Variants in ZFHX3 observed in about 807,000 individuals in gnomAD.
The protein encoded by ZFHX3 is zinc finger homeobox protein 3.
ZFHX3 carries 42 observed loss-of-function variants against 279.1 expected under a neutral mutation model. The observed-to-expected ratio is 0.15, with a 90% CI of 0.12 to 0.19. ZFHX3 has a LOEUF of 0.19. ZFHX3 is among the 10% of genes least tolerant of loss of function. ZFHX3 has a pLI of 1.00. For missense variants in ZFHX3, 4,981 were observed against 4,754.0 expected, an observed-to-expected ratio of 1.05 and a Z score of -1.40; for synonymous variants, 2,293 against 1,957.8, an observed-to-expected ratio of 1.17 and a Z score of -4.52.
At chr16:73,722,977 T>C (rs1372831511) in intron 1 of ZFHX3, among the ~76,000 whole-genome samples, 1 of 152,216 alleles carries the variant, frequency 6.6e-6, no homozygotes, top group East Asian at 1.9e-4. Context: ...GATTCTCACA[T>C]GGCTTCCTGA....
Position 72,798,600 on chromosome 16 carries a change from A to G in ZFHX3, c.4082T>C (p.Ile1361Thr), listed in dbSNP as rs1280945746. 1 of 1,614,152 alleles carries G rather than the reference A, an allele frequency of 6.2e-7. No individual in the cohort carries two copies. Among genetic ancestry groups the G allele is most frequent in the Non-Finnish European group, 8.5e-7 (1 of 1,180,018 alleles). The part of the protein sequence containing the change: ...PGSVREDSGF[I>T]CWKKGCNQVF... Reference sequence around the variant, plus strand: ...CTGGTTGCACCCCTTCTTCCAGCAGATGAAGCCTGAGTCTTCTCTCACAGA... The same window carrying G: ...CTGGTTGCACCCCTTCTTCCAGCAGGTGAAGCCTGAGTCTTCTCTCACAGA... The change falls in exon 9 of 10, where the codon ATC becomes ACC. Residue 1361 changes from isoleucine (I) to threonine (T), a missense_variant. By Grantham distance (89) the Ile-to-Thr change is moderately conservative (BLOSUM62 -1). This residue lies in a region of ZFHX3 where 1,751 missense variants were observed against 1,770.0 expected (regional missense o/e 0.99). Coordinates refer to ENST00000268489, the MANE Select transcript of ZFHX3 (RefSeq NM_006885.4).
chr16:72,927,543 C>T (rs1421599210), intron 3 of ZFHX3, among the ~76,000 whole-genome samples: 3 of 152,180 alleles, frequency 2.0e-5, no homozygotes, highest in Non-Finnish European at 2.9e-5. Context: ...GTTCAGCCAC[C>T]GATGCCCTCA....
intron 1 of ZFHX3, chr16:73,816,112 C>T: frequency 6.6e-6 from 1 of 152,266 alleles, no homozygotes; most frequent in Admixed American, 6.5e-5. Context: ...AAAAATACCC[C>T]ACTATTTATG....
At chr16:73,373,089 T>C (rs1011671221) in intron 3 of ZFHX3, among the ~76,000 whole-genome samples, 1 of 151,884 alleles carries the variant, frequency 6.6e-6, no homozygotes, top group Non-Finnish European at 1.5e-5. Context: ...TGTGAAAAAT[T>C]AGAGACACCT....
intron 1 of ZFHX3, among the ~76,000 whole-genome samples, chr16:73,772,809 C>T (rs1020917225): frequency 6.6e-6 from 1 of 152,208 alleles, no homozygotes; most frequent in African/African-American, 2.4e-5. Context: ...TCACTAAATA[C>T]ATATGCATAA....
chr16:73,133,320 A>C (rs187793214), intron 6 of ZFHX3, among the ~76,000 whole-genome samples: 1 of 152,282 alleles, frequency 6.6e-6, no homozygotes, highest in African/African-American at 2.4e-5. Flanking sequence ...TCAGGAGTTC[A>C]AGACCAGCCT....
chr16:72,947,552 G>C (rs1182324401), intron 3 of ZFHX3, among the ~76,000 whole-genome samples: 1 of 152,130 alleles, frequency 6.6e-6, no homozygotes, highest in South Asian at 2.1e-4. Context: ...CATGAAAAAG[G>C]AACAGGAGGA....
At chr16:73,412,193 G>T (rs1341995029) in intron 3 of ZFHX3, among the ~76,000 whole-genome samples, 1 of 151,924 alleles carries the variant, frequency 6.6e-6, no homozygotes, top group African/African-American at 2.4e-5. Flanking sequence ...GGACATAGTG[G>T]CGCACACCTG....
chr16:73,558,285 T>G (rs2020316709), intron 2 of ZFHX3: 1 of 152,156 alleles, frequency 6.6e-6, no homozygotes, highest in Non-Finnish European at 1.5e-5. Context: ...AATAACAGGT[T>G]TTTTCAAGAG....
At chr16:72,904,259 G>A (rs1004947505) in intron 3 of ZFHX3, among the ~76,000 whole-genome samples, 1 of 152,000 alleles carries the variant, frequency 6.6e-6, no homozygotes, top group South Asian at 2.1e-4. Context: ...CCAGCTACTT[G>A]GGAGGCTGAG....
chr16:73,414,433 C>G (rs2017530393), intron 3 of ZFHX3, among the ~76,000 whole-genome samples: 3 of 152,268 alleles, frequency 2.0e-5, no homozygotes, highest in African/African-American at 7.2e-5. Context: ...AACACCAAAT[C>G]TTCACTACAA....
At chr16:72,862,549 C>T (rs969043204) in intron 4 of ZFHX3, among the ~76,000 whole-genome samples, 1 of 152,164 alleles carries the variant, frequency 6.6e-6, no homozygotes, top group African/African-American at 2.4e-5. Context: ...GAGATTTGGG[C>T]AATGATCATC....
Position 72,798,093 on chromosome 16 carries a change from C to A in ZFHX3, c.4589G>T (p.Gly1530Val). ...GAACTTTTCCATAGTAAAATTGGGACCTTTTCTGAAAGGCAGAGCTCTCTT... is the reference window on the plus strand; with the variant it reads ...GAACTTTTCCATAGTAAAATTGGGAACTTTTCTGAAAGGCAGAGCTCTCTT... ...EPKRALPFRK[G>V]PNFTMEKFLD... The change falls in exon 9 of 10, where the codon GGT becomes GTT. Residue 1530 changes from glycine (G) to valine (V), a missense_variant. By Grantham distance (109) the Gly-to-Val change is moderately radical (BLOSUM62 -3). Transcript: ENST00000268489. The A allele has an allele frequency of 6.2e-7, 1 of 1,614,210 alleles. No individual in the cohort carries two copies. The highest frequency in any genetic ancestry group is 8.5e-7 in the Non-Finnish European group (1 of 1,180,036).
intron 1 of ZFHX3, among the ~76,000 whole-genome samples, chr16:73,021,352 T>C (rs1455675709): frequency 2.0e-5 from 3 of 152,166 alleles, no homozygotes; most frequent in Non-Finnish European, 2.9e-5. Flanking sequence ...TGACTCTATG[T>C]CCTGTCTTGT....
chr16:73,693,815 A>C (rs913651675), intron 1 of ZFHX3, among the ~76,000 whole-genome samples: 1 of 152,192 alleles, frequency 6.6e-6, no homozygotes, highest in South Asian at 2.1e-4. Context: ...ACAACTGCTA[A>C]AGAAAGTAAC....
chr16:73,881,927 T>C (rs951381219), intron 1 of ZFHX3, among the ~76,000 whole-genome samples: 8 of 152,062 alleles, frequency 5.3e-5, no homozygotes, highest in African/African-American at 1.9e-4. Context: ...CTTTGCTTCA[T>C]ATAGAGGGAT....
chr16:73,569,556 T>G (rs1413049861), intron 2 of ZFHX3, among the ~76,000 whole-genome samples: 4 of 151,822 alleles, frequency 2.6e-5, no homozygotes, highest in African/African-American at 9.7e-5. Flanking sequence ...AGCCAGCAAG[T>G]GCCAAGGTCA....
At chr16:73,732,482 T>C (rs1193618589) in intron 1 of ZFHX3, among the ~76,000 whole-genome samples, 4 of 152,234 alleles carry the variant, frequency 2.6e-5, no homozygotes, top group Non-Finnish European at 5.9e-5. Context: ...ACTCCTGCTA[T>C]TCTGGTGTTT....
intron 1 of ZFHX3, among the ~76,000 whole-genome samples, chr16:73,890,490 T>G (rs578194421): frequency 1.3e-5 from 2 of 152,220 alleles, no homozygotes; most frequent in Non-Finnish European, 2.9e-5. Flanking sequence ...TGCATTTTCT[T>G]TATTGTCAAC....
Sources: gnomAD v4.1 joint callset for allele counts (sites outside exome capture counted in the v4.1 genomes callset) on GRCh38, gnomAD v4.1.1 for gene constraint, gnomAD v4.1.1 regional missense constraint, MANE v1.5 for transcripts, NCBI Gene and HGNC (gene_info 2026-07-23, HGNC 2026-07-21) for gene names.